KMT2C: variants seen among roughly 807,000 people sequenced by gnomAD.
KMT2C encodes lysine methyltransferase 2C.
In KMT2C, 88 loss-of-function variants were observed where a neutral mutation model predicts 507.9. That is an observed-to-expected ratio of 0.17 (90% CI 0.15 to 0.21). The LOEUF is 0.21. Among genes scored for constraint, KMT2C ranks in the 10% least tolerant of loss-of-function variants. KMT2C has a pLI of 1.00. For missense variants in KMT2C, 4,954 were observed against 5,957.8 expected (o/e 0.83, Z 5.55); for synonymous variants, 2,049 against 2,080.8 (o/e 0.98, Z 0.42).
chr7:152,384,581 C>A (rs1054045534), intron 1 of KMT2C, among the ~76,000 whole-genome samples: 2 of 147,026 alleles, frequency 1.4e-5, no homozygotes, highest in South Asian at 2.1e-4. Flanking sequence ...ACCACCACCA[C>A]CACCACCACC....
chr7:152,236,570 G>GT (rs1382586775), intron 15 of KMT2C, among the ~76,000 whole-genome samples: 33 of 152,118 alleles, frequency 2.2e-4, no homozygotes, highest in African/African-American at 7.7e-4. Context: ...CTAGTGTTGT[G>GT]TAACAGTATT....
chr7:152,302,959 G>C (rs950954772), intron 6 of KMT2C, among the ~76,000 whole-genome samples: 1 of 152,026 alleles, frequency 6.6e-6, no homozygotes, highest in African/African-American at 2.4e-5. Context: ...AGGAACTTTA[G>C]ATAAATAAAA....
intron 18 of KMT2C, among the ~76,000 whole-genome samples, chr7:152,228,463 T>A (rs889188878): frequency 1.3e-4 from 20 of 152,222 alleles, no homozygotes; most frequent in Admixed American, 5.9e-4. Flanking sequence ...TATTTCTCAA[T>A]GAGACTGCAG....
chr7:152,243,050 C>T (rs1397948657), intron 14 of KMT2C, among the ~76,000 whole-genome samples: 5 of 152,276 alleles, frequency 3.3e-5, no homozygotes, highest in East Asian at 1.9e-4. Context: ...CACTTGTATA[C>T]AGTGGAGCTA....
At chr7:152,358,734 A>T (rs2097172579) in intron 1 of KMT2C, 59 bp from the exon 2 acceptor site, 7 of 1,112,936 alleles carry the variant, frequency 6.3e-6, no homozygotes, top group African/African-American at 1.6e-5. Flanking sequence ...TTTAAGGCTT[A>T]GACTTATATT....
At chr7:152,201,617 G>GAAAAAA (rs745427209) in intron 26 of KMT2C, among the ~76,000 whole-genome samples, 1 of 22,874 alleles carries the variant, frequency 4.4e-5, no homozygotes, top group Non-Finnish European at 1.9e-4. Flanking sequence ...CAACAAAGAT[G>GAAAAAA]AAAAAAAAAA....
intron 1 of KMT2C, among the ~76,000 whole-genome samples, chr7:152,422,859 TA>T (rs1248666956): frequency 1.3e-5 from 2 of 150,716 alleles, no homozygotes; most frequent in Non-Finnish European, 3.0e-5. Flanking sequence ...CCGTCTCTAA[TA>T]AAAATACAAA....
rs1009976071 is a variant in KMT2C at position 152,144,247 on chromosome 7, C to T, written c.14343+466G>A. Among the ~76,000 whole-genome samples, 2 of 152,186 alleles carry T rather than the reference C, an allele frequency of 1.3e-5. No homozygotes were observed. The highest frequency in any genetic ancestry group is 4.8e-5 in the African/African-American group (2 of 41,428). On this transcript the variant is annotated intron_variant, in intron 55 of 58. Coordinates refer to ENST00000262189, the MANE Select transcript of KMT2C (RefSeq NM_170606.3). This position sits in a 1 kb window ranked among gnomAD's most constrained non-coding sequence, Gnocchi z 4.4. ...ATAGGTGTAAACTTAAATGCTTAGC[C>T]TATACACGGCCTTACTTGTAAGATA... is the stretch of plus-strand genomic sequence containing the variant.
chr7:152,223,425 C>A (rs544886572), intron 20 of KMT2C, among the ~76,000 whole-genome samples: 4 of 151,936 alleles, frequency 2.6e-5, no homozygotes, highest in Non-Finnish European at 5.9e-5. Context: ...TCATAAGAAA[C>A]GGCATAGATG....
Position 152,181,794 on chromosome 7 carries a change from T to C in KMT2C, c.6066A>G (p.Ile2022Met), listed in dbSNP as rs1195499384. ...PRADVFQRQR[I>M]PDSYARPLLT... ...ACAAGGGTCGTGCATATGAGTCAGG[T>C]ATCCTTTGTCTTTGAAACACATCTG... The change falls in exon 36 of 59, where the codon ATA becomes ATG. Residue 2022 changes from isoleucine (I) to methionine (M), a missense_variant. This residue lies in a region of KMT2C where 1,689 missense variants were observed against 1,654.3 expected (regional missense o/e 1.02). Transcript: ENST00000262189. 1.9e-6 allele frequency: 3 copies of C among 1,614,042 alleles called. No individual in the cohort carries two copies. The highest frequency in any genetic ancestry group is 2.5e-6 in the Non-Finnish European group (3 of 1,180,036).
At chr7:152,194,310 A>G in intron 29 of KMT2C, 49 bp from the exon 30 acceptor site, 1 of 1,337,250 alleles carries the variant, frequency 7.5e-7, no homozygotes, top group Non-Finnish European at 1.0e-6. Flanking sequence ...TACTAATTCA[A>G]TATACTGATA....
At chr7:152,334,617 A>G (rs952187243) in intron 2 of KMT2C, among the ~76,000 whole-genome samples, 1 of 152,106 alleles carries the variant, frequency 6.6e-6, no homozygotes, top group African/African-American at 2.4e-5. Context: ...TATGACCAGA[A>G]GCAACTGCGC....
rs1369915225 is a variant in KMT2C, at chr7:152,368,605, G to C, written c.162-9930C>G. On this transcript the variant is annotated intron_variant, in intron 1 of 58. Coordinates refer to ENST00000262189, the MANE Select transcript of KMT2C (RefSeq NM_170606.3). ...CTGGGAAGCTCAACAACATATTTTA[G>C]AACAGAACTCTTCGAGAACCTTGGA... 19 of 1,434,882 alleles carry C rather than the reference G, an allele frequency of 1.3e-5. No individual in the cohort carries two copies. The South Asian group carries it at 1.7e-4, about 13-fold the overall frequency. 88.9% of individuals were successfully genotyped at this position (1,434,882 alleles called of 1,614,324 possible).
At chr7:152,305,505 C>T (rs190419451) in intron 6 of KMT2C, among the ~76,000 whole-genome samples, 12 of 151,054 alleles carry the variant, frequency 7.9e-5, no homozygotes, top group Middle Eastern at 6.9e-3. Context: ...GAGAAGTATA[C>T]GTGAGGTGTG....
intron 1 of KMT2C, among the ~76,000 whole-genome samples, chr7:152,393,806 C>T (rs1202359841): frequency 1.3e-5 from 2 of 150,682 alleles, no homozygotes; most frequent in Non-Finnish European, 2.9e-5. Context: ...GCAGGAGAAT[C>T]GCTTGAACCC....
chr7:152,178,100 TA>T, intron 37 of KMT2C, 90 bp from the exon 38 acceptor site: 1 of 1,259,082 alleles, frequency 7.9e-7, no homozygotes, highest in Non-Finnish European at 1.0e-6. Context: ...AGTCTTCAAT[TA>T]AACTGTACAT....
intron 3 of KMT2C, among the ~76,000 whole-genome samples, chr7:152,317,568 A>G (rs1201221540): frequency 6.6e-6 from 1 of 152,256 alleles, no homozygotes; most frequent in African/African-American, 2.4e-5. Flanking sequence ...CAGCAGGGTG[A>G]TAAGAACTCA....
intron 18 of KMT2C, among the ~76,000 whole-genome samples, chr7:152,226,114 G>A (rs1352771808): frequency 6.7e-6 from 1 of 149,388 alleles, no homozygotes; most frequent in Non-Finnish European, 1.5e-5. Context: ...TGATTATTTA[G>A]AGCTATAGCA....
intron 6 of KMT2C, among the ~76,000 whole-genome samples, chr7:152,280,243 T>A (rs2096180511): frequency 1.3e-5 from 2 of 151,876 alleles, no homozygotes; most frequent in African/African-American, 4.8e-5. Context: ...CAATAGGCAG[T>A]AAGAAAATGG....
Sources: gnomAD v4.1 joint callset for allele counts (sites outside exome capture counted in the v4.1 genomes callset) on GRCh38, gnomAD v4.1.1 for gene constraint, gnomAD v4.1.1 regional missense constraint, Gnocchi (gnomAD v3.1) non-coding constraint, MANE v1.5 for transcripts, NCBI Gene and HGNC (gene_info 2026-07-23, HGNC 2026-07-21) for gene names.